Variants in STK31 observed in about 807,000 individuals in gnomAD.
STK31 encodes serine/threonine kinase 31.
Under a neutral mutation model 129.7 loss-of-function variants are expected in STK31, and 89 were observed. That is an observed-to-expected ratio of 0.69 (90% CI 0.58 to 0.82). STK31 has a LOEUF of 0.82. STK31 is among the 40% of genes least tolerant of loss of function. The pLI is 0.00. For missense variants in STK31, 1,187 were observed against 1,176.4 expected (o/e 1.01, Z -0.13); for synonymous variants, 448 against 395.3 (o/e 1.13, Z -1.58).
intron 10 of STK31, among the ~76,000 whole-genome samples, chr7:23,762,315 T>C (rs1440497666): frequency 6.6e-6 from 1 of 150,886 alleles, no homozygotes; most frequent in East Asian, 2.0e-4. Context: ...TATATTAATA[T>C]ATAGTTTTAA....
In STK31 at chr7:23,712,670, G is replaced by A. The variant is rs537062263; in HGVS notation, c.150+384G>A. On this transcript the variant is annotated intron_variant, in intron 3 of 23. Transcript: ENST00000355870. Reference sequence around the variant, plus strand: ...GGAGGATAAGTTAAAAATCTCGGTCGTTTTTTCTAATGGCTTAAATTTGAG... The same window carrying A: ...GGAGGATAAGTTAAAAATCTCGGTCATTTTTTCTAATGGCTTAAATTTGAG... Among the ~76,000 whole-genome samples the A allele has an allele frequency of 2.6e-5, 4 of 152,182 alleles. No homozygotes were observed. The East Asian group carries it at 5.8e-4, about 22-fold the overall frequency.
In STK31 at chr7:23,735,664, C is replaced by T. The variant is rs149176175; in HGVS notation, c.610C>T (p.Leu204Phe). ...CAGTGTGGATATAGGGGAAGAGGTG[C>T]TTAAGAAAGGATTTGCAGAGAAATG... ...YGSVDIGEEV[L>F]KKGFAEKCRL... Residue 204 changes from leucine to phenylalanine, a missense_variant, in exon 7 of 24, where the codon CTT becomes TTT. By Grantham distance (22) the Leu-to-Phe change is conservative. Transcript: ENST00000355870. The T allele has an allele frequency of 2.6e-5, 42 of 1,613,858 alleles. 1 individual carries two copies. Among genetic ancestry groups the T allele is most frequent in the South Asian group, 9.9e-5 (9 of 91,086 alleles).
chr7:23,828,409 TCTC>T (rs1293890125), intron 23 of STK31, among the ~76,000 whole-genome samples: 2 of 152,212 alleles, frequency 1.3e-5, no homozygotes, highest in Admixed American at 6.5e-5. Context: ...CCGGATATAA[TCTC>T]CTGGTGTGCC....
chr7:23,719,926 C>G (rs888221155), intron 4 of STK31, among the ~76,000 whole-genome samples: 2 of 152,046 alleles, frequency 1.3e-5, no homozygotes, highest in African/African-American at 4.8e-5. Context: ...GGTGGTAGTC[C>G]ATGATACTCT....
intron 9 of STK31, 64 bp from the exon 10 acceptor site, chr7:23,754,250 TA>T: frequency 6.5e-7 from 1 of 1,546,076 alleles, no homozygotes; most frequent in Non-Finnish European, 8.8e-7. Context: ...TATTAAAGTG[TA>T]ACTTTTTCTC....
intron 8 of STK31, among the ~76,000 whole-genome samples, chr7:23,741,503 T>C (rs1005839785): frequency 2.6e-4 from 40 of 152,152 alleles, no homozygotes; most frequent in African/African-American, 9.2e-4. Flanking sequence ...CTCATCAAGA[T>C]TGGCTGATGA....
chr7:23,774,796 C>A (rs925405552), intron 15 of STK31, among the ~76,000 whole-genome samples: 1 of 152,150 alleles, frequency 6.6e-6, no homozygotes, highest in African/African-American at 2.4e-5. Context: ...TCCCATTTGT[C>A]AATTTTGTCT....
chr7:23,827,592 A>G (rs1360134151), intron 23 of STK31, among the ~76,000 whole-genome samples: 1 of 152,016 alleles, frequency 6.6e-6, no homozygotes, highest in Non-Finnish European at 1.5e-5. Flanking sequence ...TTCCTCTCTC[A>G]ACTCGTCAAA....
intron 8 of STK31, among the ~76,000 whole-genome samples, chr7:23,749,682 A>G (rs957114597): frequency 6.6e-6 from 1 of 152,018 alleles, no homozygotes; most frequent in Non-Finnish European, 1.5e-5. Flanking sequence ...TGTATATGAT[A>G]TATCAGGTAA....
intron 23 of STK31, among the ~76,000 whole-genome samples, chr7:23,823,504 G>C (rs1373733100): frequency 6.6e-6 from 1 of 152,064 alleles, no homozygotes; most frequent in African/African-American, 2.4e-5. Context: ...TTAGCCCTTT[G>C]TCAGATGAGT....
chr7:23,752,859 G>T (rs553298455), intron 9 of STK31, 27 bp downstream of exon 9: 1 of 1,463,398 alleles, frequency 6.8e-7, no homozygotes, highest in East Asian at 2.3e-5. Flanking sequence ...TTTTCAGAAG[G>T]ATATTTTAAA....
chr7:23,801,116 C>A (rs956413026), intron 22 of STK31, among the ~76,000 whole-genome samples: 1 of 152,152 alleles, frequency 6.6e-6, no homozygotes, highest in African/African-American at 2.4e-5. Context: ...ATGTATTATT[C>A]TTTAAGGACC....
At chr7:23,747,072 T>C (rs539971201) in intron 8 of STK31, among the ~76,000 whole-genome samples, 2 of 152,234 alleles carry the variant, frequency 1.3e-5, no homozygotes, top group African/African-American at 4.8e-5. Context: ...TGGATTCAGT[T>C]TTCTAATTTT....
intron 10 of STK31, among the ~76,000 whole-genome samples, chr7:23,755,768 C>G (rs1249463222): frequency 2.6e-5 from 4 of 152,104 alleles, no homozygotes; most frequent in Non-Finnish European, 5.9e-5. Context: ...TTCCCAATTG[C>G]TTGTTTTTGT....
chr7:23,727,303 C>T lies in STK31; in HGVS notation c.312C>T (p.Ile104=), dbSNP rs758011396. ...ACAGATGCAAAGTACTGAAAATCAT[C>T]AGCGTTGAAAAGGCAGGAAATTAAG... ...CWYRCKVLKI[I]SVEKCLVRYI... Residue 104 remains isoleucine, a synonymous_variant, in exon 5 of 24, where the codon ATC becomes ATT. Coordinates refer to ENST00000355870, the MANE Select transcript of STK31 (RefSeq NM_031414.5). 2 of 1,613,184 alleles carry T rather than the reference C, an allele frequency of 1.2e-6. No homozygotes were observed. The highest frequency in any genetic ancestry group is 1.7e-6 in the Non-Finnish European group (2 of 1,179,590).
At chr7:23,798,787 G>A (rs1792173227) in intron 22 of STK31, among the ~76,000 whole-genome samples, 1 of 152,092 alleles carries the variant, frequency 6.6e-6, no homozygotes, top group African/African-American at 2.4e-5. Context: ...ATTCAAATAG[G>A]AAGAGAGACA....
At chr7:23,814,163 T>TTTTTTTTTTTTTG (rs1174158138) in intron 22 of STK31, among the ~76,000 whole-genome samples, 1 of 148,874 alleles carries the variant, frequency 6.7e-6, no homozygotes, top group Non-Finnish European at 1.5e-5. Flanking sequence ...TTTTTTTTTT[T>TTTTTTTTTTTTTG]TCAGTTGGGA....
At chr7:23,777,469 C>T (rs1430865258) in intron 15 of STK31, among the ~76,000 whole-genome samples, 2 of 152,144 alleles carry the variant, frequency 1.3e-5, no homozygotes, top group East Asian at 1.9e-4. Context: ...GTCTAATTCT[C>T]TTTGTAGGTC....
chr7:23,786,862 G>A lies in STK31; in HGVS notation c.2425G>A (p.Val809Ile). ...GTCTGATCCTATGGCTTATCTGATG[G>A]TCCCATACTACCCTAGGGCAAACCT... Reference protein sequence around the residue: ...CKSDPMAYLMVPYYPRANLNA... With the variant: ...CKSDPMAYLMIPYYPRANLNA... Residue 809 changes from valine (V) to isoleucine (I), a missense_variant, in exon 20 of 24, where the codon GTC becomes ATC. Transcript: ENST00000355870. The A allele has an allele frequency of 6.2e-7, 1 of 1,613,708 alleles. No individual in the cohort carries two copies. Among genetic ancestry groups the A allele is most frequent in the Non-Finnish European group, 8.5e-7 (1 of 1,179,880 alleles).
Sources: allele counts gnomAD v4.1 joint callset (sites outside exome capture counted in the v4.1 genomes callset), GRCh38; gene constraint gnomAD v4.1.1; transcripts MANE v1.5; gene names NCBI Gene and HGNC (gene_info 2026-07-23, HGNC 2026-07-21).